Variants in AKAP6 observed in about 807,000 individuals in gnomAD.
AKAP6 encodes A-kinase anchor protein 6.
In AKAP6, 58 loss-of-function variants were observed where a neutral mutation model predicts 188.5. The observed-to-expected ratio is 0.31, with a 90% CI of 0.25 to 0.38. The LOEUF (loss-of-function observed/expected upper bound fraction) is 0.38. Ranked by LOEUF, AKAP6 falls within the 10% of genes least tolerant of loss-of-function variation. The probability of loss-of-function intolerance (pLI) is 1.00; values close to 1 mark genes in which losing one functional copy is unlikely to be tolerated. For missense variants in AKAP6, 2,710 were observed against 2,740.0 expected (o/e 0.99, Z 0.24); for synonymous variants, 989 against 998.6 (o/e 0.99, Z 0.18).
At chr14:32,549,626 A>G (rs138863823) in intron 4 of AKAP6, among the ~76,000 whole-genome samples, 106 of 152,344 alleles carry the variant, frequency 7.0e-4, no homozygotes, top group Non-Finnish European at 5.6e-4. Flanking sequence ...GACTGACAGT[A>G]ATAACTAATA....
chr14:32,404,107 T>C (rs914035443), intron 1 of AKAP6, among the ~76,000 whole-genome samples: 9 of 152,210 alleles, frequency 5.9e-5, no homozygotes, highest in African/African-American at 1.9e-4. Context: ...TGAAATATTT[T>C]TTTTGAAAAA....
At chr14:32,349,060 A>G (rs574471578) in intron 1 of AKAP6, among the ~76,000 whole-genome samples, 1 of 152,294 alleles carries the variant, frequency 6.6e-6, no homozygotes, top group South Asian at 2.1e-4. Context: ...TTCATAAAAG[A>G]GATTCTCTAG....
At chr14:32,476,309 A>C (rs1377134245) in intron 2 of AKAP6, among the ~76,000 whole-genome samples, 1 of 152,182 alleles carries the variant, frequency 6.6e-6, no homozygotes. Flanking sequence ...AGGCTAGGCA[A>C]GGAGGATGGA....
chr14:32,700,331 C>T (rs1350425506), intron 9 of AKAP6, among the ~76,000 whole-genome samples: 3 of 152,144 alleles, frequency 2.0e-5, no homozygotes, highest in East Asian at 3.9e-4. Flanking sequence ...TTCCAGACTC[C>T]AAGGGTTAAT....
chr14:32,506,979 C>A (rs1339191104), intron 2 of AKAP6, among the ~76,000 whole-genome samples: 1 of 152,022 alleles, frequency 6.6e-6, no homozygotes, highest in Non-Finnish European at 1.5e-5. Flanking sequence ...GCTTAAAAAT[C>A]ATTTTTTTTC....
chr14:32,624,826 A>T (rs1467221209), intron 7 of AKAP6, among the ~76,000 whole-genome samples: 1 of 152,148 alleles, frequency 6.6e-6, no homozygotes, highest in African/African-American at 2.4e-5. Context: ...ACAAGCTTAA[A>T]ATTTATTTTA....
chr14:32,672,452 C>G (rs1457929974), intron 7 of AKAP6, among the ~76,000 whole-genome samples: 2 of 152,168 alleles, frequency 1.3e-5, no homozygotes, highest in Non-Finnish European at 2.9e-5. Flanking sequence ...GGTGAAGCCT[C>G]TCTCCTTGGC....
intron 2 of AKAP6, among the ~76,000 whole-genome samples, chr14:32,489,669 C>T (rs557413714): frequency 8.5e-5 from 13 of 152,176 alleles, no homozygotes; most frequent in Non-Finnish European, 1.3e-4. Flanking sequence ...GAGAAGAGTA[C>T]GTGGAATACC....
intron 1 of AKAP6, among the ~76,000 whole-genome samples, chr14:32,361,832 C>T (rs1282879345): frequency 6.6e-6 from 1 of 152,128 alleles, no homozygotes; most frequent in East Asian, 1.9e-4. Flanking sequence ...TGCTATCCTT[C>T]ACTGCTTAAA....
chr14:32,672,881 C>T (rs931792156), intron 7 of AKAP6, among the ~76,000 whole-genome samples: 10 of 152,120 alleles, frequency 6.6e-5, no homozygotes, highest in Non-Finnish European at 1.0e-4. Flanking sequence ...ATCCATTAGG[C>T]GACTATCTTG....
chr14:32,468,224 T>G (rs1566521580), intron 2 of AKAP6, among the ~76,000 whole-genome samples: 1 of 152,216 alleles, frequency 6.6e-6, no homozygotes, highest in Non-Finnish European at 1.5e-5. Context: ...GTAGGTACTC[T>G]GTTAATATTT....
At chr14:32,329,901 A>G (rs767420891) in intron 1 of AKAP6, among the ~76,000 whole-genome samples, 4 of 152,158 alleles carry the variant, frequency 2.6e-5, no homozygotes, top group Non-Finnish European at 4.4e-5. Flanking sequence ...AGCATTTGAC[A>G]TAACCCTGAT....
chr14:32,417,193 T>C (rs979252231), intron 1 of AKAP6, among the ~76,000 whole-genome samples: 2 of 152,204 alleles, frequency 1.3e-5, no homozygotes, highest in Admixed American at 6.6e-5. Flanking sequence ...TCCAAGATGC[T>C]ATTTTTAAAA....
chr14:32,354,211 C>G (rs1887399530), intron 1 of AKAP6, among the ~76,000 whole-genome samples: 2 of 151,640 alleles, frequency 1.3e-5, no homozygotes, highest in Admixed American at 6.6e-5. Flanking sequence ...TCAAACTATA[C>G]TACAAGGCTA....
At chr14:32,540,345 C>T (rs1471033369) in intron 3 of AKAP6, among the ~76,000 whole-genome samples, 1 of 151,468 alleles carries the variant, frequency 6.6e-6, no homozygotes, top group African/African-American at 2.4e-5. Flanking sequence ...ATTACAGGCA[C>T]ATGCCACCAC....
At chr14:32,535,197 C>A (rs1594719288) in intron 2 of AKAP6, among the ~76,000 whole-genome samples, 1 of 151,972 alleles carries the variant, frequency 6.6e-6, no homozygotes, top group Non-Finnish European at 1.5e-5. Flanking sequence ...TTAGTGCTAG[C>A]AAATAAAACA....
chr14:32,488,836 T>C (rs1182602159), intron 2 of AKAP6, among the ~76,000 whole-genome samples: 1 of 152,170 alleles, frequency 6.6e-6, no homozygotes, highest in Non-Finnish European at 1.5e-5. Context: ...CTTGGTGGGC[T>C]ACACCCACTG....
rs115661093 is a variant in AKAP6, at chr14:32,707,579, G to A, written c.3000+11469G>A. ...ACTTCACACTCCACGTGGAGGATTCGTGTTATTTATTGATTATTTATTAAT... is the reference window on the plus strand; with the variant it reads ...ACTTCACACTCCACGTGGAGGATTCATGTTATTTATTGATTATTTATTAAT... On this transcript the variant is annotated intron_variant, in intron 9 of 13. Transcript: ENST00000280979. Among the ~76,000 whole-genome samples the A allele has an allele frequency of 2.3e-3, 357 of 152,108 alleles. 2 individuals are homozygous for A. Among genetic ancestry groups the A allele is most frequent in the African/African-American group, 8.2e-3 (340 of 41,500 alleles).
At chr14:32,584,940 A>G (rs1420579105) in intron 5 of AKAP6, among the ~76,000 whole-genome samples, 1 of 152,174 alleles carries the variant, frequency 6.6e-6, no homozygotes, top group African/African-American at 2.4e-5. Flanking sequence ...TTATTGCCTT[A>G]AGAAACAGAG....
Sources: gnomAD v4.1 joint callset for allele counts (sites outside exome capture counted in the v4.1 genomes callset) on GRCh38, gnomAD v4.1.1 for gene constraint, MANE v1.5 for transcripts, NCBI Gene and HGNC (gene_info 2026-07-23, HGNC 2026-07-21) for gene names.